LAIR1: variants seen among roughly 807,000 people sequenced by gnomAD.
LAIR1 encodes the protein leukocyte-associated immunoglobulin-like receptor 1.
In LAIR1, 24 loss-of-function variants were observed where a neutral mutation model predicts 32.8. The ratio of observed to expected loss-of-function variants is 0.73; its 90% CI spans 0.53 to 1.03. The LOEUF (loss-of-function observed/expected upper bound fraction) is 1.03, where lower values mean the gene tolerates loss of function less well. LAIR1 is among the 50% of genes least tolerant of loss of function. The pLI is 0.00. For synonymous variants in LAIR1, 150 were observed against 140.5 expected, an observed-to-expected ratio of 1.07 and a Z score of -0.48; for missense variants, 355 against 347.5, an observed-to-expected ratio of 1.02 and a Z score of -0.17.
At chr19:54,367,833 C>T (rs1191105789), upstream of LAIR1, among the ~76,000 whole-genome samples, 2 of 141,724 alleles carry the variant, frequency 1.4e-5, no homozygotes, top group East Asian at 2.1e-4. Flanking sequence ...ACTGCAGTGG[C>T]GCAATCTCGG....
At position 54,355,535 on chromosome 19, in the gene LAIR1, C is replaced by A; in HGVS notation, c.718-121G>T. ...CTGAGGACCCTCTCCTAAATTGCAT[C>A]CGTGTGAAGAGCCCTCCCACAGGGT... On this transcript the variant is annotated intron_variant, in intron 9 of 9. Transcript: ENST00000391742. The surrounding 1 kb of genome is among the most constrained non-coding windows in gnomAD (Gnocchi z 4.7). The A allele has an allele frequency of 1.2e-6, 1 of 845,712 alleles. No individual in the cohort carries two copies. The highest frequency in any genetic ancestry group is 1.8e-6 in the Non-Finnish European group (1 of 558,530). The allele number at this position is 845,712 out of a possible 1,614,324, so 52.4% of individuals were successfully genotyped here. A position where few individuals can be genotyped will look rare whatever the true frequency, so the allele number is the denominator to read the frequency against.
rs759471540 is a variant in LAIR1, at chr19:54,356,338, C to T, written c.626+18G>A. The T allele has an allele frequency of 1.9e-6, 3 of 1,597,890 alleles. No individual in the cohort carries two copies. The highest frequency in any genetic ancestry group is 2.6e-6 in the Non-Finnish European group (3 of 1,172,548). ...GAGGACTGGGTGGAGGTCCAGGAGT[C>T]ATTCCCAGGGGCCTCACCTCTGCTG... On this transcript the variant is annotated intron_variant, in intron 7 of 9. Transcript: ENST00000391742.
chr19:54,374,955 C>G (rs373840192), upstream of LAIR1, among the ~76,000 whole-genome samples: 15 of 152,214 alleles, frequency 9.9e-5, no homozygotes, highest in South Asian at 2.5e-3. Context: ...CTGTGCTGCT[C>G]CAAGAAGACA....
Position 54,355,188 on chromosome 19 carries a change from G to A in LAIR1, c.*80C>T, listed in dbSNP as rs1315998599. ...TTCTAGATGAAGAGGAATCCAACAG[G>A]AAGCCTTCCAAATGGCTGCTTCAGG... On this transcript the variant is annotated 3_prime_UTR_variant, in exon 10 of 10. Transcript: ENST00000391742. The surrounding 1 kb of genome is among the most constrained non-coding windows in gnomAD (Gnocchi z 4.7). 7 of 1,346,462 alleles carry A rather than the reference G, an allele frequency of 5.2e-6. No individual in the cohort carries two copies. The highest frequency in any genetic ancestry group is 7.1e-6 in the Non-Finnish European group (7 of 984,984). The allele number at this position is 1,346,462 out of a possible 1,614,324, so 83.4% of individuals were successfully genotyped here.
chr19:54,375,371 G>C (rs2082482145), upstream of LAIR1, among the ~76,000 whole-genome samples: 1 of 152,158 alleles, frequency 6.6e-6, no homozygotes, highest in South Asian at 2.1e-4. Context: ...GAATGCAGAG[G>C]CTCAGGATGC....
chr19:54,356,345 A>C lies in LAIR1; in HGVS notation c.626+11T>G. 1 of 1,596,822 alleles carries C rather than the reference A, an allele frequency of 6.3e-7. No individual in the cohort carries two copies. On this transcript the variant is annotated intron_variant, in intron 7 of 9. Coordinates refer to ENST00000391742, the MANE Select transcript of LAIR1 (RefSeq NM_002287.6). The stretch of plus-strand genomic sequence containing the variant: ...GGGTGGAGGTCCAGGAGTCATTCCC[A>C]GGGGCCTCACCTCTGCTGTGGCTTC...
intron 4 of LAIR1, among the ~76,000 whole-genome samples, chr19:54,359,683 C>T (rs2081915211): frequency 3.9e-5 from 6 of 152,234 alleles, no homozygotes; most frequent in Admixed American, 3.9e-4. Flanking sequence ...CCTGCCCCTT[C>T]ATGGCCTTGT....
chr19:54,364,197 A>G lies in LAIR1; in HGVS notation c.70+98T>C. The stretch of plus-strand genomic sequence containing the variant: ...TGCAATCTAGGGTATATTTAAAGGG[A>G]TCTCTCCAGGCCCTCTAAGAATCAA... On this transcript the variant is annotated intron_variant, in intron 2 of 9. Coordinates refer to ENST00000391742, the MANE Select transcript of LAIR1 (RefSeq NM_002287.6). This position sits in a 1 kb window ranked among gnomAD's most constrained non-coding sequence, Gnocchi z 4.8. The G allele has an allele frequency of 7.2e-7, 1 of 1,379,870 alleles. No individual in the cohort carries two copies. The highest frequency in any genetic ancestry group is 2.3e-4 in the Middle Eastern group (1 of 4,384). The allele number at this position is 1,379,870 out of a possible 1,614,324, so 85.5% of individuals were successfully genotyped here. A position where few individuals can be genotyped will look rare whatever the true frequency, so the allele number is the denominator to read the frequency against.
In LAIR1 at chr19:54,351,722, G is replaced by A. The variant is rs2287827; in HGVS notation, c.*3546C>T. On this transcript the variant is annotated 3_prime_UTR_variant, in exon 10 of 10. Transcript: ENST00000391742. ...TCTTCCTAGCAAGAGAGCAAAGACT[G>A]TGAGGTTTGGTGTATTCATCCAGAG... 0.18 allele frequency: 27,415 copies of A among 151,956 alleles called. 2,991 individuals carry two copies. The highest frequency in any genetic ancestry group is 0.3 in the African/African-American group (12,536 of 41,354). 9.4% of individuals were successfully genotyped at this position (151,956 alleles called of 1,614,324 possible).
At position 54,354,034 on chromosome 19, in the gene LAIR1, G is replaced by A. The variant is rs972519088; in HGVS notation, c.*1234C>T. 1 of 152,192 alleles carries A rather than the reference G, an allele frequency of 6.6e-6. No homozygotes were observed. Among genetic ancestry groups the A allele is most frequent in the African/African-American group, 2.4e-5 (1 of 41,430 alleles). 9.4% of individuals were successfully genotyped at this position (152,192 alleles called of 1,614,324 possible). A position where few individuals can be genotyped will look rare whatever the true frequency, so the allele number is the denominator to read the frequency against. On this transcript the variant is annotated 3_prime_UTR_variant, in exon 10 of 10. Coordinates refer to ENST00000391742, the MANE Select transcript of LAIR1 (RefSeq NM_002287.6). ...AGGCGTGAGCCTCCATGCCCGGCCT[G>A]TTTTTGTTTTTTAAAGACAAACACA...
chr19:54,356,364 T>C lies in LAIR1; in HGVS notation c.618A>G (p.Pro206=), dbSNP rs1405949737. The C allele has an allele frequency of 1.3e-6, 2 of 1,593,094 alleles. No individual in the cohort carries two copies. Among genetic ancestry groups the C allele is most frequent in the Non-Finnish European group, 1.7e-6 (2 of 1,170,044 alleles). Residue 206 remains proline, a synonymous_variant, in exon 7 of 10, where the codon CCA becomes CCG. Transcript: ENST00000391742. ...PPRSKDEEQK[P]QQRPDLAVDV... ...ATTCCCAGGGGCCTCACCTCTGCTGTGGCTTCTGCTCCTCGTCCTTGCTTC... is the reference window on the plus strand; with the variant it reads ...ATTCCCAGGGGCCTCACCTCTGCTGCGGCTTCTGCTCCTCGTCCTTGCTTC...
At chr19:54,363,525 C>T (rs530042715) in intron 2 of LAIR1, among the ~76,000 whole-genome samples, 81 of 152,146 alleles carry the variant, frequency 5.3e-4, no homozygotes, top group Admixed American at 3.3e-4. Flanking sequence ...TACTCACAGC[C>T]GCCAAGACCT....
chr19:54,361,065 T>G lies in LAIR1; in HGVS notation c.215A>C (p.Glu72Ala). 1 of 1,614,194 alleles carries G rather than the reference T, an allele frequency of 6.2e-7. No homozygotes were observed. The highest frequency in any genetic ancestry group is 8.5e-7 in the Non-Finnish European group (1 of 1,180,032). Residue 72 changes from glutamate (E) to alanine (A), a missense_variant, in exon 3 of 10, where the codon GAA becomes GCA. Glu to Ala is a moderately radical substitution (Grantham distance 107). Coordinates refer to ENST00000391742, the MANE Select transcript of LAIR1 (RefSeq NM_002287.6). ...AGATGGACTAGCTTGAGACACATCT[T>G]CAGTATCATTGTATGTGGATCTACT... is the stretch of plus-strand genomic sequence containing the variant. ...RDSRSTYNDT[E>A]DVSQASPSES...
rs762512883 is a variant in LAIR1, at chr19:54,361,134, C to G, written c.146G>C (p.Cys49Ser). ...IPLGSHVTFVCRGPVGVQTFR... is the reference protein window; with the variant it reads ...IPLGSHVTFVSRGPVGVQTFR... ...TGTTTGAACCCCAACCGGGCCCCGG[C>G]ACACGAAAGTCACATGGCTCCCCAG... is the stretch of plus-strand genomic sequence containing the variant. Residue 49 changes from cysteine to serine, a missense_variant, in exon 3 of 10, where the codon TGC (cysteine) becomes TCC (serine). Coordinates refer to ENST00000391742, the MANE Select transcript of LAIR1 (RefSeq NM_002287.6). 3.7e-6 allele frequency: 6 copies of G among 1,614,056 alleles called. No homozygotes were observed. The highest frequency in any genetic ancestry group is 5.1e-6 in the Non-Finnish European group (6 of 1,180,040).
chr19:54,364,985 G>C (rs1473777251), upstream of LAIR1: 1 of 1,475,648 alleles, frequency 6.8e-7, no homozygotes, highest in Non-Finnish European at 9.0e-7. This position sits in a 1 kb window ranked among gnomAD's most constrained non-coding sequence, Gnocchi z 4.8. Context: ...CTTCCCACTA[G>C]TGAGACGAGA....
At chr19:54,373,674 A>C (rs1156441069), upstream of LAIR1, among the ~76,000 whole-genome samples, 1 of 151,676 alleles carries the variant, frequency 6.6e-6, no homozygotes, top group Admixed American at 6.6e-5. Context: ...GCACACCTGT[A>C]ATCCCAGCTC....
chr19:54,362,879 C>T lies in LAIR1; in HGVS notation c.70+1416G>A, dbSNP rs74908000. Among the ~76,000 whole-genome samples the T allele has an allele frequency of 3.6e-4, 54 of 152,044 alleles. No individual in the cohort carries two copies. In the East Asian group the frequency reaches 6.0e-3, roughly 17 times the overall value. ...GCGGCATATGGAGTGTTTGAGAAAG[C>T]GAAAGAACCTGGAGGAATGTAGAGA... is the stretch of plus-strand genomic sequence containing the variant. On this transcript the variant is annotated intron_variant, in intron 2 of 9. Coordinates refer to ENST00000391742, the MANE Select transcript of LAIR1 (RefSeq NM_002287.6).
intron 8 of LAIR1, 72 bp downstream of exon 8, chr19:54,356,158 C>G (rs561516535): frequency 2.1e-6 from 3 of 1,435,864 alleles, no homozygotes; most frequent in Admixed American, 1.7e-5. Context: ...CCCCACCCCC[C>G]ACATTGCATC....
chr19:54,351,747 G>C lies in LAIR1; in HGVS notation c.*3521C>G, dbSNP rs2081536161. ...GTGAGGTTTGGTGTATTCATCCAGAGAGAGTGTTTTAAATGGGGCTATGAC... is the reference window on the plus strand; with the variant it reads ...GTGAGGTTTGGTGTATTCATCCAGACAGAGTGTTTTAAATGGGGCTATGAC... On this transcript the variant is annotated 3_prime_UTR_variant, in exon 10 of 10. Transcript: ENST00000391742. 6.8e-6 allele frequency: 1 copy of C among 146,048 alleles called. No individual in the cohort carries two copies. Among genetic ancestry groups the C allele is most frequent in the South Asian group, 2.2e-4 (1 of 4,460 alleles). The allele number at this position is 146,048 out of a possible 1,614,324, so 9.0% of individuals were successfully genotyped here. A position where few individuals can be genotyped will look rare whatever the true frequency, so the allele number is the denominator to read the frequency against.
Sources: gnomAD v4.1 joint callset for allele counts (sites outside exome capture counted in the v4.1 genomes callset) on GRCh38, gnomAD v4.1.1 for gene constraint, Gnocchi (gnomAD v3.1) non-coding constraint, MANE v1.5 for transcripts, NCBI Gene and HGNC (gene_info 2026-07-23, HGNC 2026-07-21) for gene names.